SLC22A3: variants seen among roughly 807,000 people sequenced by gnomAD.
SLC22A3 encodes EMT organic cation transporter 3.
In SLC22A3, 51 loss-of-function variants were observed where a neutral mutation model predicts 59.1. That is an observed-to-expected ratio of 0.86 (90% confidence interval 0.69 to 1.09). The LOEUF (loss-of-function observed/expected upper bound fraction) is 1.09, where lower values mean the gene tolerates loss of function less well. Among genes scored for constraint, SLC22A3 ranks in the 50% least tolerant of loss-of-function variants. The probability of loss-of-function intolerance (pLI) is 0.00; values close to 1 mark genes in which losing one functional copy is unlikely to be tolerated. For synonymous variants in SLC22A3, 325 were observed against 292.0 expected (o/e 1.11, Z -1.15); for missense variants, 711 against 726.3 (o/e 0.98, Z 0.24).
intron 10 of SLC22A3, 119 bp from the exon 11 acceptor site, chr6:160,450,877 A>T (rs758893010): frequency 1.3e-4 from 121 of 919,284 alleles, no homozygotes; most frequent in Non-Finnish European, 2.0e-4. Context: ...GTTACCTTAG[A>T]GTTGGGTTTT....
At chr6:160,414,346 G>A (rs1013125097) in intron 5 of SLC22A3, among the ~76,000 whole-genome samples, 1 of 152,166 alleles carries the variant, frequency 6.6e-6, no homozygotes, top group Non-Finnish European at 1.5e-5. Context: ...AACTCTTGGT[G>A]ACACTGAGAT....
intron 7 of SLC22A3, among the ~76,000 whole-genome samples, chr6:160,437,653 G>T (rs991709326): frequency 4.5e-4 from 68 of 152,268 alleles, no homozygotes; most frequent in Admixed American, 4.4e-3. Flanking sequence ...ATATTGTCAC[G>T]ATTCTTATTG....
intron 1 of SLC22A3, among the ~76,000 whole-genome samples, chr6:160,368,817 A>G (rs1354810641): frequency 1.3e-5 from 2 of 152,188 alleles, no homozygotes; most frequent in Non-Finnish European, 2.9e-5. Context: ...GGTAGCTGCC[A>G]TAGTCACCGG....
At position 160,390,014 on chromosome 6, in the gene SLC22A3, CA is replaced by C. The variant is rs1786186217; in HGVS notation, c.430-7964del. ...CTCAAGATGTTTAGTTCATGAAAAACAGTAGCTATGCTTGCCAAGTATTTGT... is the reference window on the plus strand; with the variant it reads ...CTCAAGATGTTTAGTTCATGAAAAACGTAGCTATGCTTGCCAAGTATTTGT... On this transcript the variant is annotated intron_variant, in intron 1 of 10. Transcript: ENST00000275300. Among the ~76,000 whole-genome samples the C allele has an allele frequency of 2.6e-5, 4 of 152,230 alleles. No homozygotes were observed. In the South Asian group the frequency reaches 8.3e-4, roughly 32 times the overall value.
intron 5 of SLC22A3, among the ~76,000 whole-genome samples, chr6:160,432,418 AT>A (rs1420761057): frequency 6.6e-6 from 1 of 151,498 alleles, no homozygotes; most frequent in East Asian, 2.0e-4. Context: ...TGTTACAAAA[AT>A]AATGTAGGCT....
intron 1 of SLC22A3, among the ~76,000 whole-genome samples, chr6:160,391,374 C>G (rs1395424713): frequency 6.6e-6 from 1 of 152,096 alleles, no homozygotes; most frequent in Non-Finnish European, 1.5e-5. Context: ...TTATTATCAT[C>G]AGCATTATAT....
intron 10 of SLC22A3, among the ~76,000 whole-genome samples, 171 bp from the exon 11 acceptor site, chr6:160,450,825 T>G (rs1219297722): frequency 7.2e-6 from 1 of 138,276 alleles, no homozygotes; most frequent in Non-Finnish European, 1.6e-5. Context: ...ACCCCTAAGG[T>G]CTGAACACAG....
chr6:160,357,200 G>A (rs1784871400), intron 1 of SLC22A3, among the ~76,000 whole-genome samples: 2 of 152,174 alleles, frequency 1.3e-5, no homozygotes, highest in African/African-American at 4.8e-5. Flanking sequence ...TTCAGTCCTG[G>A]GAGAGCAGGT....
chr6:160,450,970 A>G, intron 10 of SLC22A3, 26 bp from the exon 11 acceptor site: 1 of 1,570,796 alleles, frequency 6.4e-7, no homozygotes. Context: ...AATCTTTCCT[A>G]AAGACTTTCT....
intron 5 of SLC22A3, among the ~76,000 whole-genome samples, chr6:160,416,460 T>C (rs1787497092): frequency 6.9e-6 from 1 of 144,198 alleles, no homozygotes; most frequent in African/African-American, 2.6e-5. Context: ...CTTTTAAGGC[T>C]TACTTAAAAA....
intron 9 of SLC22A3, among the ~76,000 whole-genome samples, chr6:160,447,021 T>C (rs896761735): frequency 6.6e-6 from 1 of 152,170 alleles, no homozygotes; most frequent in Non-Finnish European, 1.5e-5. Context: ...AAGAGGGTTG[T>C]TAGGCATTTA....
chr6:160,355,983 G>A (rs546624146), intron 1 of SLC22A3, among the ~76,000 whole-genome samples: 13 of 152,244 alleles, frequency 8.5e-5, no homozygotes, highest in East Asian at 1.9e-4. Flanking sequence ...CTGGAGGGCC[G>A]GCGCTCTGCC....
At chr6:160,389,579 CTG>C (rs897787920) in intron 1 of SLC22A3, among the ~76,000 whole-genome samples, 1 of 152,228 alleles carries the variant, frequency 6.6e-6, no homozygotes, top group Admixed American at 6.5e-5. Flanking sequence ...CCACTTGACT[CTG>C]TGACACGTCT....
rs189261598 is a variant in SLC22A3, at chr6:160,358,483, C to T, written c.429+9635C>T. Among the ~76,000 whole-genome samples the T allele has an allele frequency of 2.6e-5, 4 of 152,270 alleles. No homozygotes were observed. In the East Asian group the frequency reaches 7.7e-4, roughly 29 times the overall value. On this transcript the variant is annotated intron_variant, in intron 1 of 10. Coordinates refer to ENST00000275300, the MANE Select transcript of SLC22A3 (RefSeq NM_021977.4). Reference sequence around the variant, plus strand: ...TAGGCAGGGCACCAAGATTCCAATACTAAGGACGTGGCCAGGGTCCACTCT... The same window carrying T: ...TAGGCAGGGCACCAAGATTCCAATATTAAGGACGTGGCCAGGGTCCACTCT...
chr6:160,355,620 C>T (rs1480567643), intron 1 of SLC22A3, among the ~76,000 whole-genome samples: 1 of 148,466 alleles, frequency 6.7e-6, no homozygotes. Flanking sequence ...AATACAAAAA[C>T]GATTAGCCAG....
chr6:160,400,405 C>T (rs187220414), intron 2 of SLC22A3, among the ~76,000 whole-genome samples: 132 of 151,976 alleles, frequency 8.7e-4, no homozygotes, highest in Non-Finnish European at 1.3e-3. Flanking sequence ...AAGGGAAATA[C>T]CCAGCTCCAG....
At chr6:160,447,012 A>G (rs1202314668) in intron 9 of SLC22A3, among the ~76,000 whole-genome samples, 2 of 152,226 alleles carry the variant, frequency 1.3e-5, no homozygotes, top group Non-Finnish European at 1.5e-5. Flanking sequence ...GATTGCCCAA[A>G]GAGGGTTGTT....
chr6:160,350,505 G>A (rs992724475), intron 1 of SLC22A3, among the ~76,000 whole-genome samples: 2 of 152,106 alleles, frequency 1.3e-5, no homozygotes, highest in African/African-American at 2.4e-5. Flanking sequence ...TCTGTGAGTC[G>A]CATCTGTTAG....
chr6:160,439,205 T>C (rs544702462), intron 7 of SLC22A3, among the ~76,000 whole-genome samples: 17 of 152,248 alleles, frequency 1.1e-4, no homozygotes, highest in Admixed American at 1.1e-3. Context: ...CTCAAAATTG[T>C]ATAATTTAAG....
Sources: allele counts gnomAD v4.1 joint callset (sites outside exome capture counted in the v4.1 genomes callset), GRCh38; gene constraint gnomAD v4.1.1; transcripts MANE v1.5; gene names NCBI Gene and HGNC (gene_info 2026-07-23, HGNC 2026-07-21).